Variants in HECW1 observed in about 807,000 individuals in gnomAD.
HECW1 encodes HECT, C2 and WW domain containing E3 ubiquitin protein ligase 1.
A neutral mutation model predicts 182.3 loss-of-function variants in HECW1; 61 were observed. The ratio of observed to expected loss-of-function variants is 0.33; its 90% CI spans 0.27 to 0.41. The LOEUF (loss-of-function observed/expected upper bound fraction) is 0.41, where lower values mean the gene tolerates loss of function less well. Among genes scored for constraint, HECW1 ranks in the 10% least tolerant of loss-of-function variants. HECW1 has a pLI of 1.00. For synonymous variants in HECW1, 859 were observed against 832.6 expected (o/e 1.03, Z -0.55); for missense variants, 1,739 against 2,108.9 (o/e 0.82, Z 3.44).
intron 3 of HECW1, among the ~76,000 whole-genome samples, chr7:43,258,027 G>C (rs1339646445): frequency 2.0e-5 from 3 of 152,096 alleles, no homozygotes. Context: ...AAATCAGAAA[G>C]TTTAATGCGA....
intron 24 of HECW1, among the ~76,000 whole-genome samples, chr7:43,515,497 G>T (rs1420260168): frequency 1.3e-5 from 2 of 152,156 alleles, no homozygotes; most frequent in African/African-American, 2.4e-5. Context: ...TTCAGAAGGA[G>T]CATGAACAAA....
At chr7:43,523,821 G>A (rs1037232745) in intron 24 of HECW1, among the ~76,000 whole-genome samples, 1 of 152,136 alleles carries the variant, frequency 6.6e-6, no homozygotes, top group African/African-American at 2.4e-5. Context: ...TGGGGTGTAA[G>A]GAGGCAAGGA....
At chr7:43,212,583 C>G (rs1451530673) in intron 2 of HECW1, among the ~76,000 whole-genome samples, 3 of 152,016 alleles carry the variant, frequency 2.0e-5, no homozygotes, top group East Asian at 1.9e-4. Flanking sequence ...CTGCACTCTT[C>G]TTAAGTAACT....
chr7:43,510,744 G>A (rs1263918726), intron 24 of HECW1, among the ~76,000 whole-genome samples: 5 of 152,298 alleles, frequency 3.3e-5, no homozygotes, highest in East Asian at 1.9e-4. Flanking sequence ...AAGAGGAGAC[G>A]GTGGCATAGG....
At chr7:43,221,615 G>A (rs371256559) in intron 2 of HECW1, among the ~76,000 whole-genome samples, 15 of 121,514 alleles carry the variant, frequency 1.2e-4, no homozygotes, top group East Asian at 4.9e-4. Flanking sequence ...GTGCAGTGGC[G>A]CTATCTCGGC....
intron 8 of HECW1, among the ~76,000 whole-genome samples, chr7:43,419,636 AG>A (rs1262457569): frequency 6.6e-6 from 1 of 152,248 alleles, no homozygotes; most frequent in Non-Finnish European, 1.5e-5. Context: ...ATCCATAAAA[AG>A]ACTTTGATAA....
chr7:43,174,940 A>T (rs1321841017), intron 2 of HECW1, among the ~76,000 whole-genome samples: 1 of 152,202 alleles, frequency 6.6e-6, no homozygotes, highest in Non-Finnish European at 1.5e-5. Flanking sequence ...TAATATTTGA[A>T]CAAAAGGAAT....
chr7:43,188,503 T>A (rs1251117457), intron 2 of HECW1, among the ~76,000 whole-genome samples: 2 of 152,166 alleles, frequency 1.3e-5, no homozygotes, highest in African/African-American at 4.8e-5. Context: ...CCTAGGGCTG[T>A]ACCCTCTAAG....
chr7:43,309,344 AC>A (rs1222445526), intron 3 of HECW1, among the ~76,000 whole-genome samples: 2 of 152,154 alleles, frequency 1.3e-5, no homozygotes, highest in African/African-American at 4.8e-5. Context: ...TGCCCTGCTT[AC>A]CCCGGACAAA....
chr7:43,235,026 A>G (rs537856534), intron 2 of HECW1, among the ~76,000 whole-genome samples: 1 of 152,146 alleles, frequency 6.6e-6, no homozygotes, highest in Non-Finnish European at 1.5e-5. Flanking sequence ...AATCCGGCCA[A>G]TCCCCTGCCA....
In HECW1 at chr7:43,562,239, G is replaced by A. The variant is rs1313314176; in HGVS notation, c.*313G>A. 7.2e-6 allele frequency: 2 copies of A among 276,810 alleles called. No homozygotes were observed. The highest frequency in any genetic ancestry group is 1.1e-4 in the East Asian group (2 of 17,624). 17.1% of individuals were successfully genotyped at this position (276,810 alleles called of 1,614,324 possible). On this transcript the variant is annotated 3_prime_UTR_variant, in exon 30 of 30. Transcript: ENST00000395891. Reference sequence around the variant, plus strand: ...ACAATGAAATATGAATGCAAGTTAAGCTACACTTGACCAAATGGTAATAAA... The same window carrying A: ...ACAATGAAATATGAATGCAAGTTAAACTACACTTGACCAAATGGTAATAAA...
At chr7:43,223,990 G>A (rs138233675) in intron 2 of HECW1, among the ~76,000 whole-genome samples, 72 of 152,018 alleles carry the variant, frequency 4.7e-4, no homozygotes, top group African/African-American at 1.6e-3. Context: ...CCCTCTTCCC[G>A]CTCCCACATT....
intron 2 of HECW1, among the ~76,000 whole-genome samples, chr7:43,151,663 A>G (rs1789341377): frequency 6.6e-6 from 1 of 152,208 alleles, no homozygotes; most frequent in Non-Finnish European, 1.5e-5. Flanking sequence ...TAAAAATTGA[A>G]TTAGGGATTT....
At chr7:43,364,977 G>A (rs1281897057) in intron 6 of HECW1, among the ~76,000 whole-genome samples, 2 of 152,112 alleles carry the variant, frequency 1.3e-5, no homozygotes, top group African/African-American at 4.8e-5. Context: ...AGCCCATCAC[G>A]ACAGTTTGCC....
chr7:43,555,034 C>T (rs558512628), intron 29 of HECW1, among the ~76,000 whole-genome samples: 81 of 152,216 alleles, frequency 5.3e-4, no homozygotes, highest in Non-Finnish European at 1.0e-3. Context: ...GTCCATGTGT[C>T]AGTTGTGGGA....
intron 3 of HECW1, among the ~76,000 whole-genome samples, chr7:43,263,271 A>G (rs918510367): frequency 6.6e-6 from 1 of 152,222 alleles, no homozygotes; most frequent in African/African-American, 2.4e-5. Flanking sequence ...TATTAAACAC[A>G]AAAGAATTAA....
chr7:43,538,350 C>T (rs1199209869), intron 24 of HECW1, among the ~76,000 whole-genome samples: 1 of 152,124 alleles, frequency 6.6e-6, no homozygotes, highest in African/African-American at 2.4e-5. Flanking sequence ...CCACTGTGGC[C>T]TTAGAGGGCT....
At chr7:43,341,054 C>A (rs1393788226) in intron 5 of HECW1, among the ~76,000 whole-genome samples, 1 of 151,568 alleles carries the variant, frequency 6.6e-6, no homozygotes, top group East Asian at 1.9e-4. Context: ...CAAACTATCA[C>A]AAGGACAGAA....
chr7:43,304,989 A>T (rs1042412540), intron 3 of HECW1, among the ~76,000 whole-genome samples: 5 of 152,208 alleles, frequency 3.3e-5, no homozygotes, highest in Non-Finnish European at 7.4e-5. Context: ...CGAAATCTCC[A>T]TTGAGGCCAG....
Sources: allele counts gnomAD v4.1 joint callset (sites outside exome capture counted in the v4.1 genomes callset), GRCh38; gene constraint gnomAD v4.1.1; transcripts MANE v1.5; gene names NCBI Gene and HGNC (gene_info 2026-07-23, HGNC 2026-07-21).